The following C1orf185 variants were observed in gnomAD, a reference collection of about 807,000 sequenced individuals.
The protein encoded by C1orf185 is uncharacterized protein C1orf185.
A neutral mutation model predicts 16.1 loss-of-function variants in C1orf185; 13 were observed. That is an observed-to-expected ratio of 0.81 (90% CI 0.53 to 1.28). The LOEUF (loss-of-function observed/expected upper bound fraction) is 1.28, where lower values mean the gene tolerates loss of function less well. Ranked by LOEUF, C1orf185 falls within the 50% of genes most tolerant of loss-of-function variation. The pLI, the probability that C1orf185 is intolerant of heterozygous loss-of-function variation, is 0.00. For missense variants in C1orf185, 220 were observed against 225.2 expected (o/e 0.98, Z 0.15); for synonymous variants, 80 against 76.9 (o/e 1.04, Z -0.21).
At chr1:51,136,907 T>G (rs1646329446) in intron 3 of C1orf185, among the ~76,000 whole-genome samples, 1 of 152,012 alleles carries the variant, frequency 6.6e-6, no homozygotes, top group South Asian at 2.1e-4. Context: ...AATTGACAAA[T>G]GGGATCTAAT....
intron 2 of C1orf185, among the ~76,000 whole-genome samples, chr1:51,117,595 G>A (rs1646166850): frequency 6.6e-6 from 1 of 152,080 alleles, no homozygotes; most frequent in African/African-American, 2.4e-5. Flanking sequence ...ATGTCATATA[G>A]TTGGAATCAT....
At chr1:51,131,695 G>A (rs1646286556) in intron 3 of C1orf185, among the ~76,000 whole-genome samples, 2 of 152,214 alleles carry the variant, frequency 1.3e-5, no homozygotes, top group African/African-American at 4.8e-5. Context: ...TGTGTCATTA[G>A]AGTAAGAGCA....
intron 3 of C1orf185, among the ~76,000 whole-genome samples, chr1:51,137,443 A>G (rs768794385): frequency 3.3e-5 from 5 of 152,170 alleles, no homozygotes; most frequent in Non-Finnish European, 2.9e-5. Flanking sequence ...CTGAGGCAGG[A>G]CAATCACTTG....
chr1:51,114,199 T>A (rs1367513179), intron 2 of C1orf185, among the ~76,000 whole-genome samples: 1 of 152,120 alleles, frequency 6.6e-6, no homozygotes. Flanking sequence ...AGGGAAACAA[T>A]CATGAAATTG....
intron 3 of C1orf185, among the ~76,000 whole-genome samples, chr1:51,120,454 T>C (rs1443505526): frequency 6.6e-6 from 1 of 152,206 alleles, no homozygotes; most frequent in African/African-American, 2.4e-5. Flanking sequence ...AAAGGAATTA[T>C]GTGAAAAAGC....
chr1:51,108,636 G>A (rs1026470063), intron 1 of C1orf185, among the ~76,000 whole-genome samples: 1 of 151,908 alleles, frequency 6.6e-6, no homozygotes, highest in Non-Finnish European at 1.5e-5. Flanking sequence ...TTCTTCATGA[G>A]ATCCCCTTTT....
At position 51,118,733 on chromosome 1, in the gene C1orf185, A is replaced by G. The variant is rs914404186; in HGVS notation, c.190A>G (p.Lys64Glu). The G allele has an allele frequency of 8.0e-6, 12 of 1,497,640 alleles. No homozygotes were observed. Among genetic ancestry groups the G allele is most frequent in the Non-Finnish European group, 1.1e-5 (12 of 1,115,676 alleles). 92.8% of individuals were successfully genotyped at this position (1,497,640 alleles called of 1,614,324 possible). A position where few individuals can be genotyped will look rare whatever the true frequency, so the allele number is the denominator to read the frequency against. The change falls in exon 3 of 5, where the codon AAG (lysine) becomes GAG (glutamate). Residue 64 changes from lysine to glutamate, a missense_variant. Physicochemically the swap from Lys to Glu is moderately conservative, Grantham distance 56. Coordinates refer to ENST00000371759, the MANE Select transcript of C1orf185 (RefSeq NM_001136508.2). ...ATGCAGGCAAAGACCATCAATGGCG[A>G]AGATTAAATCTCATTCTCAGTGTGT... ...ERCRQRPSMAKIKSHSQCVFI... is the reference protein window; with the variant it reads ...ERCRQRPSMAEIKSHSQCVFI...
intron 1 of C1orf185, among the ~76,000 whole-genome samples, chr1:51,104,066 T>G (rs1054622158): frequency 6.6e-6 from 1 of 152,198 alleles, no homozygotes; most frequent in Non-Finnish European, 1.5e-5. Flanking sequence ...CCTGCATATA[T>G]TTCATTATAG....
Position 51,147,771 on chromosome 1 carries a change from A to G in C1orf185, c.600A>G (p.Ter200TrpextTer5). 1 of 1,508,526 alleles carries G rather than the reference A, an allele frequency of 6.6e-7. No individual in the cohort carries two copies. The highest frequency in any genetic ancestry group is 1.3e-5 in the South Asian group (1 of 77,816). The allele number at this position is 1,508,526 out of a possible 1,614,324, so 93.4% of individuals were successfully genotyped here. ...GTESVLNDTL* is the reference protein window; with the variant it reads ...GTESVLNDTLW ...AAAGTGTACTGAATGACACTTTATG[A>G]CCATCAAAAAGATGACTACATTAAG... Residue 200 changes from the stop codon to tryptophan (W), a stop_lost, in exon 5 of 5, where the codon TGA becomes TGG. Coordinates refer to ENST00000371759, the MANE Select transcript of C1orf185 (RefSeq NM_001136508.2).
At position 51,118,775 on chromosome 1, in the gene C1orf185, T is replaced by G; in HGVS notation, c.232T>G (p.Phe78Val). 1 of 1,474,106 alleles carries G rather than the reference T, an allele frequency of 6.8e-7. No homozygotes were observed. Among genetic ancestry groups the G allele is most frequent in the Non-Finnish European group, 9.1e-7 (1 of 1,102,154 alleles). The allele number at this position is 1,474,106 out of a possible 1,614,324, so 91.3% of individuals were successfully genotyped here. A position where few individuals can be genotyped will look rare whatever the true frequency, so the allele number is the denominator to read the frequency against. ...HSQCVFISRN[F>V]HTGRFQLQEE... ...TCAGTGTGTTTTTATTTCTCGAAAT[T>G]TTCATACTGGGAGATTCCAATTACA... Residue 78 changes from phenylalanine (F) to valine (V), a missense_variant, in exon 3 of 5, where the codon TTT (phenylalanine) becomes GTT (valine). Coordinates refer to ENST00000371759, the MANE Select transcript of C1orf185 (RefSeq NM_001136508.2).
chr1:51,148,824 G>A (rs932984178), downstream of C1orf185, among the ~76,000 whole-genome samples: 1 of 152,220 alleles, frequency 6.6e-6, no homozygotes. Flanking sequence ...CTACTTGGGA[G>A]GCTGAGGTGG....
chr1:51,151,838 A>G (rs180746259), downstream of C1orf185, among the ~76,000 whole-genome samples: 544 of 151,872 alleles, frequency 3.6e-3, 1 homozygote, highest in Non-Finnish European at 4.4e-3. Context: ...ACAGGCGCCC[A>G]CCACCACACC....
chr1:51,121,088 ATACT>A (rs1322906713), intron 3 of C1orf185, among the ~76,000 whole-genome samples: 1 of 152,212 alleles, frequency 6.6e-6, no homozygotes, highest in African/African-American at 2.4e-5. Flanking sequence ...GTTATCTCAC[ATACT>A]TGTCATTTTT....
chr1:51,129,490 T>C (rs1646267895), intron 3 of C1orf185, among the ~76,000 whole-genome samples: 1 of 151,958 alleles, frequency 6.6e-6, no homozygotes, highest in African/African-American at 2.4e-5. Flanking sequence ...TAGGTCACTG[T>C]AACCTTGAAC....
chr1:51,125,106 A>G (rs890556049), intron 3 of C1orf185, among the ~76,000 whole-genome samples: 26 of 152,342 alleles, frequency 1.7e-4, no homozygotes, highest in Non-Finnish European at 8.8e-5. Context: ...CAGGGTCAAA[A>G]GATGGGATGC....
chr1:51,110,107 T>G (rs1159575755), intron 1 of C1orf185, among the ~76,000 whole-genome samples: 1 of 152,176 alleles, frequency 6.6e-6, no homozygotes, highest in Non-Finnish European at 1.5e-5. Flanking sequence ...TTACTACTAT[T>G]CCCCCACTTA....
At chr1:51,105,324 A>G (rs973760752) in intron 1 of C1orf185, among the ~76,000 whole-genome samples, 1 of 152,078 alleles carries the variant, frequency 6.6e-6, no homozygotes, top group African/African-American at 2.4e-5. Context: ...GAAAATTATC[A>G]GGCAATGTTT....
chr1:51,109,995 C>G (rs747670494), intron 1 of C1orf185, among the ~76,000 whole-genome samples: 2 of 152,114 alleles, frequency 1.3e-5, no homozygotes, highest in Non-Finnish European at 2.9e-5. Flanking sequence ...AAATTTTTAA[C>G]ATCTATACTT....
intron 3 of C1orf185, among the ~76,000 whole-genome samples, chr1:51,124,631 TAAG>T (rs1366459895): frequency 1.3e-5 from 2 of 152,250 alleles, no homozygotes; most frequent in African/African-American, 4.8e-5. Context: ...ACATGCAAAT[TAAG>T]GAGTGGATCA....
Sources: allele counts gnomAD v4.1 joint callset (sites outside exome capture counted in the v4.1 genomes callset), GRCh38; gene constraint gnomAD v4.1.1; transcripts MANE v1.5; gene names NCBI Gene and HGNC (gene_info 2026-07-23, HGNC 2026-07-21).